The following TMEM178B variants were observed in gnomAD, a reference collection of about 807,000 sequenced individuals.
TMEM178B encodes transmembrane protein 178B.
A neutral mutation model predicts 31.0 loss-of-function variants in TMEM178B; 5 were observed. The ratio of observed to expected loss-of-function variants is 0.16; its 90% CI spans 0.08 to 0.34. The LOEUF (loss-of-function observed/expected upper bound fraction) is 0.34, where lower values mean the gene tolerates loss of function less well. Ranked by LOEUF, TMEM178B falls within the 10% of genes least tolerant of loss-of-function variation. The probability of loss-of-function intolerance (pLI) is 1.00; values close to 1 mark genes in which losing one functional copy is unlikely to be tolerated. For missense variants in TMEM178B, 275 were observed against 400.3 expected, an observed-to-expected ratio of 0.69 and a Z score of 2.67; for synonymous variants, 164 against 164.0, an observed-to-expected ratio of 1.00 and a Z score of 0.00.
At chr7:141,407,961 G>A (rs1052934611) in intron 2 of TMEM178B, among the ~76,000 whole-genome samples, 1 of 152,110 alleles carries the variant, frequency 6.6e-6, no homozygotes, top group Admixed American at 6.5e-5. Context: ...TGATACACAT[G>A]CCAACCCCAT....
chr7:141,449,278 C>G (rs1471876543), intron 3 of TMEM178B, among the ~76,000 whole-genome samples: 2 of 152,066 alleles, frequency 1.3e-5, no homozygotes. Context: ...GACTTAAAAG[C>G]TGTTCCCAGG....
the TMEM178B span, among the ~76,000 whole-genome samples, chr7:141,496,954 C>T: frequency 6.6e-6 from 1 of 152,078 alleles, no homozygotes; most frequent in East Asian, 1.9e-4. Context: ...TTGGTGAAGA[C>T]AGGGAGAAGA....
intron 3 of TMEM178B, among the ~76,000 whole-genome samples, chr7:141,453,195 A>C (rs1801900626): frequency 6.6e-6 from 1 of 152,218 alleles, no homozygotes; most frequent in South Asian, 2.1e-4. Flanking sequence ...GTAGTGATCT[A>C]GTCATTTCCT....
chr7:141,404,407 C>T (rs924435897), intron 2 of TMEM178B, among the ~76,000 whole-genome samples: 3 of 152,184 alleles, frequency 2.0e-5, no homozygotes, highest in Non-Finnish European at 2.9e-5. Flanking sequence ...TTGGCAAAGC[C>T]GTGCTCTCCC....
chr7:141,218,316 A>G (rs1797195387), intron 2 of TMEM178B, among the ~76,000 whole-genome samples: 1 of 152,038 alleles, frequency 6.6e-6, no homozygotes, highest in African/African-American at 2.4e-5. Context: ...AAGAGAGGAG[A>G]AGAGGAGGGA....
In TMEM178B at chr7:141,074,703, G is replaced by C; in HGVS notation, c.382+11G>C. The C allele has an allele frequency of 6.8e-7, 1 of 1,472,912 alleles. No homozygotes were observed. The highest frequency in any genetic ancestry group is 9.0e-7 in the Non-Finnish European group (1 of 1,115,580). 91.2% of individuals were successfully genotyped at this position (1,472,912 alleles called of 1,614,324 possible). ...CCCTCATTCGGAAAGGTAAGCGCCG[G>C]GCGCAAGGCGTGGCGCTGCGGAGAG... On this transcript the variant is annotated intron_variant, in intron 1 of 3. Coordinates refer to ENST00000565468, the MANE Select transcript of TMEM178B (RefSeq NM_001195278.2). This position sits in a 1 kb window ranked among gnomAD's most constrained non-coding sequence, Gnocchi z 5.1.
chr7:141,085,370 G>A (rs1051933716), intron 1 of TMEM178B, among the ~76,000 whole-genome samples: 1 of 152,010 alleles, frequency 6.6e-6, no homozygotes, highest in African/African-American at 2.4e-5. Context: ...TTCATCTACA[G>A]GTGATGTTTC....
In TMEM178B at chr7:141,473,821, G is replaced by A. The variant is rs902582768; in HGVS notation, c.*3035G>A. On this transcript the variant is annotated 3_prime_UTR_variant, in exon 4 of 4. Coordinates refer to ENST00000565468, the MANE Select transcript of TMEM178B (RefSeq NM_001195278.2). ...TTTCAGACGGCAAGTCCTGGCCAAT[G>A]GGAGGACTTCTCAGGTGACCTTGAT... is the stretch of plus-strand genomic sequence containing the variant. The A allele has an allele frequency of 2.0e-5, 3 of 152,226 alleles. No homozygotes were observed. Among genetic ancestry groups the A allele is most frequent in the Non-Finnish European group, 4.4e-5 (3 of 68,048 alleles). The allele number at this position is 152,226 out of a possible 1,614,324, so 9.4% of individuals were successfully genotyped here.
intron 2 of TMEM178B, among the ~76,000 whole-genome samples, chr7:141,249,909 T>G (rs1797801608): frequency 6.6e-6 from 1 of 152,176 alleles, no homozygotes; most frequent in Non-Finnish European, 1.5e-5. Context: ...GAGGCAAGCT[T>G]TAGTGGAGAT....
chr7:141,436,673 C>A (rs188831334), intron 2 of TMEM178B, among the ~76,000 whole-genome samples: 1 of 151,868 alleles, frequency 6.6e-6, no homozygotes, highest in African/African-American at 2.4e-5. Flanking sequence ...GGGTAGGGGG[C>A]TTGAGAGCAG....
In TMEM178B at chr7:141,358,516, G is replaced by A. The variant is rs1190242250; in HGVS notation, c.497-79092G>A. ...TGTTTCTCTACCCAGAGACAGGGAT[G>A]TTCTTTGTTCCCTAAACCAACTCTT... On this transcript the variant is annotated intron_variant, in intron 2 of 3. Coordinates refer to ENST00000565468, the MANE Select transcript of TMEM178B (RefSeq NM_001195278.2). Among the ~76,000 whole-genome samples the A allele has an allele frequency of 2.0e-5, 3 of 152,172 alleles. No homozygotes were observed. In the East Asian group the frequency reaches 5.8e-4, roughly 29 times the overall value.
chr7:141,340,226 G>T (rs559065233), intron 2 of TMEM178B, among the ~76,000 whole-genome samples: 1 of 152,308 alleles, frequency 6.6e-6, no homozygotes, highest in South Asian at 2.1e-4. Flanking sequence ...AGAGCTTCCC[G>T]TGAAAGCATA....
chr7:141,325,121 T>C (rs947026024), intron 2 of TMEM178B, among the ~76,000 whole-genome samples: 6 of 152,158 alleles, frequency 3.9e-5, no homozygotes, highest in Non-Finnish European at 7.3e-5. Context: ...ATAGAACTGC[T>C]TCTAAGGAGC....
intron 2 of TMEM178B, among the ~76,000 whole-genome samples, chr7:141,272,894 A>T (rs1229289063): frequency 6.6e-6 from 1 of 152,252 alleles, no homozygotes; most frequent in Non-Finnish European, 1.5e-5. Context: ...AACTGAAATT[A>T]GTCTGTCAAA....
chr7:141,496,159 G>A, the TMEM178B span, among the ~76,000 whole-genome samples: 2 of 152,090 alleles, frequency 1.3e-5, no homozygotes, highest in African/African-American at 4.8e-5. Context: ...TGAAGACCTG[G>A]CCCCCAGTGT....
chr7:141,172,390 A>C (rs968945595), intron 1 of TMEM178B, among the ~76,000 whole-genome samples: 4 of 152,136 alleles, frequency 2.6e-5, no homozygotes, highest in Non-Finnish European at 4.4e-5. Flanking sequence ...AGTATTTTTC[A>C]TCTTGAATGT....
intron 2 of TMEM178B, among the ~76,000 whole-genome samples, chr7:141,223,046 C>T (rs1293053615): frequency 2.6e-5 from 4 of 152,108 alleles, no homozygotes; most frequent in Admixed American, 6.5e-5. Flanking sequence ...GTGAGTACAA[C>T]GTATTGAAAT....
chr7:141,128,101 A>T (rs555612922), intron 1 of TMEM178B, among the ~76,000 whole-genome samples: 95 of 152,318 alleles, frequency 6.2e-4, no homozygotes, highest in Non-Finnish European at 1.1e-3. Context: ...TGAGCATATA[A>T]GTTAAGTGAG....
In TMEM178B at chr7:141,475,591, A is replaced by G. The variant is rs1802348669; in HGVS notation, c.*4805A>G. The G allele has an allele frequency of 6.6e-6, 1 of 152,226 alleles. No individual in the cohort carries two copies. 9.4% of individuals were successfully genotyped at this position (152,226 alleles called of 1,614,324 possible). On this transcript the variant is annotated 3_prime_UTR_variant, in exon 4 of 4. Coordinates refer to ENST00000565468, the MANE Select transcript of TMEM178B (RefSeq NM_001195278.2). ...GGTTGGCAGCTGGGGCCATGTGAGC[A>G]GTGTACACCACAGAACCGCACTGGT...
Sources: allele counts gnomAD v4.1 joint callset (sites outside exome capture counted in the v4.1 genomes callset), GRCh38; gene constraint gnomAD v4.1.1; non-coding constraint Gnocchi (gnomAD v3.1); transcripts MANE v1.5; gene names NCBI Gene and HGNC (gene_info 2026-07-23, HGNC 2026-07-21).